The following CADPS2 variants were observed in gnomAD, a reference collection of about 807,000 sequenced individuals.
CADPS2 encodes calcium dependent secretion activator 2, also known as calcium-dependent secretion activator 2.
In CADPS2, 93 loss-of-function variants were observed where a neutral mutation model predicts 172.5. That is an observed-to-expected ratio of 0.54 (90% CI 0.46 to 0.64). CADPS2 has a LOEUF of 0.64. CADPS2 is among the 30% of genes least tolerant of loss of function. The pLI is 0.00. For missense variants in CADPS2, 1,420 were observed against 1,565.9 expected, an observed-to-expected ratio of 0.91 and a Z score of 1.57; for synonymous variants, 546 against 555.2, an observed-to-expected ratio of 0.98 and a Z score of 0.23.
At chr7:122,625,625 G>A (rs776586489) in intron 4 of CADPS2, among the ~76,000 whole-genome samples, 20 of 151,894 alleles carry the variant, frequency 1.3e-4, no homozygotes, top group Non-Finnish European at 2.2e-4. Flanking sequence ...CTGCCAGTCC[G>A]CCCTACAGAT....
Position 122,782,489 on chromosome 7 carries a change from C to T in CADPS2, c.340-45421G>A, listed in dbSNP as rs985408812. Among the ~76,000 whole-genome samples, 9 of 152,090 alleles carry T rather than the reference C, an allele frequency of 5.9e-5. No homozygotes were observed. In the South Asian group the frequency reaches 8.3e-4, roughly 14 times the overall value. On this transcript the variant is annotated intron_variant, in intron 1 of 29. Coordinates refer to ENST00000449022, the MANE Select transcript of CADPS2 (RefSeq NM_017954.11). Reference sequence around the variant, plus strand: ...AGCACGGTGTAGTGATGCATGTCTGCGGTCCCAGCTACTCAGGATGCTAAG... The same window carrying T: ...AGCACGGTGTAGTGATGCATGTCTGTGGTCCCAGCTACTCAGGATGCTAAG...
At chr7:122,344,831 A>G (rs1218801032) in intron 28 of CADPS2, among the ~76,000 whole-genome samples, 1 of 152,188 alleles carries the variant, frequency 6.6e-6, no homozygotes, top group African/African-American at 2.4e-5. Context: ...TCTAATGGTG[A>G]CAATTTTTAT....
At chr7:122,645,968 C>G (rs950557662) in intron 3 of CADPS2, among the ~76,000 whole-genome samples, 7 of 151,620 alleles carry the variant, frequency 4.6e-5, no homozygotes, top group Non-Finnish European at 7.4e-5. Flanking sequence ...ATACTTATCT[C>G]AATAAAATAG....
intron 2 of CADPS2, among the ~76,000 whole-genome samples, chr7:122,679,277 G>GGGGGGC (rs869229827): frequency 5.7e-5 from 6 of 104,524 alleles, no homozygotes; most frequent in African/African-American, 1.3e-4. Context: ...GGGGGGGGGG[G>GGGGGGC]CTCTAAAATG....
intron 1 of CADPS2, among the ~76,000 whole-genome samples, chr7:122,795,517 T>C (rs1796177807): frequency 6.6e-6 from 1 of 152,096 alleles, no homozygotes; most frequent in South Asian, 2.1e-4. Flanking sequence ...TTATCCACCA[T>C]GATCAAGCCA....
At chr7:122,852,404 T>G (rs531882804) in intron 1 of CADPS2, among the ~76,000 whole-genome samples, 1 of 152,282 alleles carries the variant, frequency 6.6e-6, no homozygotes, top group East Asian at 1.9e-4. Context: ...GGGAAGATAA[T>G]GAATGTGTTG....
intron 6 of CADPS2, among the ~76,000 whole-genome samples, chr7:122,582,212 A>G (rs758942899): frequency 2.6e-5 from 4 of 152,136 alleles, no homozygotes; most frequent in Non-Finnish European, 5.9e-5. Context: ...TGAAAAAACA[A>G]AACAATTCAC....
intron 14 of CADPS2, among the ~76,000 whole-genome samples, chr7:122,460,418 T>A (rs1168436946): frequency 6.6e-6 from 1 of 151,830 alleles, no homozygotes; most frequent in African/African-American, 2.4e-5. Flanking sequence ...TTGGATGAGC[T>A]GCTAAGCCTG....
At chr7:122,384,208 T>C (rs1192178302) in intron 24 of CADPS2, among the ~76,000 whole-genome samples, 1 of 152,054 alleles carries the variant, frequency 6.6e-6, no homozygotes, top group Non-Finnish European at 1.5e-5. Flanking sequence ...GTTTGCATCA[T>C]CATGTAGCAT....
At chr7:122,739,182 A>C (rs373685681) in intron 1 of CADPS2, among the ~76,000 whole-genome samples, 27 of 152,182 alleles carry the variant, frequency 1.8e-4, no homozygotes, top group East Asian at 9.6e-4. Context: ...GGGAATGCCA[A>C]GAAGAGCTTC....
At chr7:122,873,048 C>G (rs892091961) in intron 1 of CADPS2, among the ~76,000 whole-genome samples, 1 of 152,042 alleles carries the variant, frequency 6.6e-6, no homozygotes, top group African/African-American at 2.4e-5. Flanking sequence ...CAGAAATGCC[C>G]TTAAACACAG....
intron 18 of CADPS2, among the ~76,000 whole-genome samples, 156 bp from the exon 19 acceptor site, chr7:122,414,232 A>G (rs1165430023): frequency 6.6e-6 from 1 of 152,162 alleles, no homozygotes; most frequent in Non-Finnish European, 1.5e-5. Flanking sequence ...AATAAAGTCA[A>G]CTTTATTTTG....
intron 20 of CADPS2, 139 bp downstream of exon 20, chr7:122,407,401 C>T (rs1340470640): frequency 8.0e-6 from 7 of 874,512 alleles, no homozygotes; most frequent in African/African-American, 5.1e-5. Flanking sequence ...CTGACATAAT[C>T]GGGCAGGCTG....
At chr7:122,754,459 T>C (rs184095317) in intron 1 of CADPS2, among the ~76,000 whole-genome samples, 17 of 152,292 alleles carry the variant, frequency 1.1e-4, no homozygotes, top group Admixed American at 6.5e-4. Flanking sequence ...TTGAAACTTT[T>C]GTTTTCATGA....
intron 20 of CADPS2, among the ~76,000 whole-genome samples, chr7:122,405,479 A>G (rs1266189567): frequency 1.3e-5 from 2 of 152,182 alleles, no homozygotes; most frequent in Non-Finnish European, 2.9e-5. Context: ...TCTGGTGAAC[A>G]TGGTGGAACC....
At chr7:122,450,023 T>C (rs1563370074) in intron 15 of CADPS2, among the ~76,000 whole-genome samples, 1 of 152,050 alleles carries the variant, frequency 6.6e-6, no homozygotes, top group East Asian at 1.9e-4. Flanking sequence ...TTTAAAAAAA[T>C]CACAGAGTCT....
intron 15 of CADPS2, among the ~76,000 whole-genome samples, chr7:122,442,889 A>G (rs1563350163): frequency 6.6e-6 from 1 of 152,194 alleles, no homozygotes; most frequent in Non-Finnish European, 1.5e-5. Flanking sequence ...CCACACGCAC[A>G]AGAAAGCCAT....
intron 6 of CADPS2, among the ~76,000 whole-genome samples, chr7:122,584,241 A>G (rs1012899303): frequency 6.6e-6 from 1 of 151,950 alleles, no homozygotes; most frequent in Non-Finnish European, 1.5e-5. Flanking sequence ...ATATTTCTGT[A>G]TGGGAAGATA....
intron 14 of CADPS2, among the ~76,000 whole-genome samples, chr7:122,470,164 A>AT (rs35243595): frequency 3.9e-5 from 6 of 152,054 alleles, no homozygotes; most frequent in Admixed American, 2.6e-4. Flanking sequence ...TTATTCTACA[A>AT]TTTTTTTGAC....
Sources: gnomAD v4.1 joint callset for allele counts (sites outside exome capture counted in the v4.1 genomes callset) on GRCh38, gnomAD v4.1.1 for gene constraint, MANE v1.5 for transcripts, NCBI Gene and HGNC (gene_info 2026-07-23, HGNC 2026-07-21) for gene names.